The following BTBD3 variants were observed in gnomAD, a reference collection of about 807,000 sequenced individuals.
The protein encoded by BTBD3 is BTB/POZ domain-containing protein 3.
Under a neutral mutation model 41.6 loss-of-function variants are expected in BTBD3, and 14 were observed. The observed-to-expected ratio is 0.34, with a 90% confidence interval of 0.22 to 0.53. BTBD3 has a LOEUF of 0.53. Among genes scored for constraint, BTBD3 ranks in the 20% least tolerant of loss-of-function variants. BTBD3 has a pLI of 0.95. For synonymous variants in BTBD3, 249 were observed against 233.7 expected, an observed-to-expected ratio of 1.07 and a Z score of -0.60; for missense variants, 426 against 654.7, an observed-to-expected ratio of 0.65 and a Z score of 3.81.
At chr20:11,895,322 A>G (rs951794408) in intron 1 of BTBD3, among the ~76,000 whole-genome samples, 39 of 152,340 alleles carry the variant, frequency 2.6e-4, no homozygotes, top group African/African-American at 9.1e-4. Context: ...GTCCTTTCAG[A>G]TAAAGATTAT....
chr20:11,919,887 CCCT>C lies in BTBD3; in HGVS notation c.536+52_536+54del, dbSNP rs779711506. Reference sequence around the variant, plus strand: ...AGAGTTTGTTTATGCTGTATTTGTACCCTGCTGGTTTCACAGTTAAATTTAAGT... The same window carrying C: ...AGAGTTTGTTTATGCTGTATTTGTACGCTGGTTTCACAGTTAAATTTAAGT... On this transcript the variant is annotated intron_variant, in intron 3 of 3. Transcript: ENST00000378226. The C allele has an allele frequency of 2.7e-6, 4 of 1,472,140 alleles. No homozygotes were observed. The South Asian group carries it at 3.4e-5, about 13-fold the overall frequency. 91.2% of individuals were successfully genotyped at this position (1,472,140 alleles called of 1,614,324 possible).
In BTBD3 at chr20:11,923,466, T is replaced by C. The variant is rs763675622; in HGVS notation, c.1369T>C (p.Tyr457His). 1.9e-6 allele frequency: 3 copies of C among 1,614,188 alleles called. No individual in the cohort carries two copies. The highest frequency in any genetic ancestry group is 3.3e-5 in the Admixed American group (2 of 60,028). The change falls in exon 4 of 4, where the codon TAC becomes CAC. Residue 457 changes from tyrosine to histidine, a missense_variant. Tyr to His is a moderately conservative substitution (Grantham distance 83). This residue lies in a region of BTBD3 where 321 missense variants were observed against 534.8 expected (regional missense o/e 0.60). Transcript: ENST00000378226. This position sits in a 1 kb window ranked among gnomAD's most constrained non-coding sequence, Gnocchi z 5.3. Reference sequence around the variant, plus strand: ...CAATACCTTTCCCGTATGGTTTGAATACCCAGTGCAGATCGAGCCAGACAC... The same window carrying C: ...CAATACCTTTCCCGTATGGTTTGAACACCCAGTGCAGATCGAGCCAGACAC... ...SSNTFPVWFE[Y>H]PVQIEPDTFY...
intron 2 of BTBD3, chr20:11,919,481 G>C (rs2056947147): frequency 1.5e-6 from 2 of 1,351,746 alleles, no homozygotes; most frequent in Non-Finnish European, 1.9e-6. Context: ...AGCTATTATT[G>C]TATGTATTTA....
chr20:11,907,311 G>C (rs2056860924), intron 1 of BTBD3, among the ~76,000 whole-genome samples: 1 of 152,152 alleles, frequency 6.6e-6, no homozygotes, highest in Non-Finnish European at 1.5e-5. Context: ...GAGAGCCCCA[G>C]GACACATTTA....
upstream of BTBD3, among the ~76,000 whole-genome samples, chr20:11,917,435 GA>G (rs1395629571): frequency 6.6e-6 from 1 of 152,138 alleles, no homozygotes. Flanking sequence ...CTAAGAAAAA[GA>G]AAAATAACGT....
At chr20:11,897,521 C>A (rs910119077) in intron 1 of BTBD3, among the ~76,000 whole-genome samples, 2 of 147,848 alleles carry the variant, frequency 1.4e-5, no homozygotes, top group Admixed American at 6.7e-5. Flanking sequence ...AACATGGAAT[C>A]CTCCTGACTC....
In BTBD3 at chr20:11,911,329, A is replaced by T. The variant is rs577828600; in HGVS notation, c.-125-7005A>T. 2.0e-5 allele frequency among the ~76,000 whole-genome samples: 3 copies of T among 152,342 alleles called. No homozygotes were observed. In the East Asian group the frequency reaches 5.8e-4, roughly 29 times the overall value. ...ATTGGTCATAATCATATTAAAATGT[A>T]AAGAAAATTATATTAAGTAAATAAC... On this transcript the variant is annotated intron_variant, in intron 1 of 4. Transcript: ENST00000254977.
chr20:11,923,099 T>C lies in BTBD3; in HGVS notation c.1002T>C (p.Ala334=). The change falls in exon 4 of 4, where the codon GCT becomes GCC. Residue 334 remains alanine, a synonymous_variant. Coordinates refer to ENST00000378226, the MANE Select transcript of BTBD3 (RefSeq NM_014962.4). This position sits in a 1 kb window ranked among gnomAD's most constrained non-coding sequence, Gnocchi z 5.3. The stretch of plus-strand genomic sequence containing the variant: ...CCCTCGATGATTTTGCAAATGGTGC[T>C]GCACAGTCCGGGGTATTAACTCTCA... The part of the protein sequence containing the change: ...TMALDDFANG[A]AQSGVLTLNE... 6.2e-7 allele frequency: 1 copy of C among 1,614,068 alleles called. No individual in the cohort carries two copies. The highest frequency in any genetic ancestry group is 1.7e-5 in the Admixed American group (1 of 60,030).
intron 1 of BTBD3, chr20:11,910,339 A>G (rs903731438): frequency 2.0e-5 from 3 of 152,250 alleles, no homozygotes; most frequent in Non-Finnish European, 4.4e-5. Context: ...TAAAGCCAAC[A>G]AATGACCTGG....
At chr20:11,908,102 A>T (rs2056867130) in intron 1 of BTBD3, among the ~76,000 whole-genome samples, 1 of 152,158 alleles carries the variant, frequency 6.6e-6, no homozygotes, top group South Asian at 2.1e-4. Context: ...TCAAATACTG[A>T]CATCACCCAG....
intron 1 of BTBD3, among the ~76,000 whole-genome samples, chr20:11,898,827 A>T (rs1431725007): frequency 6.6e-6 from 1 of 152,216 alleles, no homozygotes; most frequent in African/African-American, 2.4e-5. Context: ...TGAGAATTAA[A>T]TAGGGTGCTC....
In BTBD3 at chr20:11,922,949, G is replaced by A; in HGVS notation, c.852G>A (p.Val284=). Residue 284 remains valine (V), a synonymous_variant, in exon 4 of 4, where the codon GTG becomes GTA. Coordinates refer to ENST00000378226, the MANE Select transcript of BTBD3 (RefSeq NM_014962.4). The part of the protein sequence containing the change: ...RRETLNAKEI[V]VFEAALNWAE... The stretch of plus-strand genomic sequence containing the variant: ...AAACTCTGAATGCCAAAGAAATTGT[G>A]GTTTTTGAGGCAGCTCTCAACTGGG... The A allele has an allele frequency of 6.2e-7, 1 of 1,614,222 alleles. No individual in the cohort carries two copies. The highest frequency in any genetic ancestry group is 8.5e-7 in the Non-Finnish European group (1 of 1,180,046).
chr20:11,895,768 G>T (rs569931540), intron 1 of BTBD3, among the ~76,000 whole-genome samples: 21 of 152,310 alleles, frequency 1.4e-4, no homozygotes, highest in Non-Finnish European at 2.8e-4. Flanking sequence ...TTCTCATGCA[G>T]CTTTTACTGA....
At chr20:11,911,872 G>C (rs1436920568) in intron 1 of BTBD3, among the ~76,000 whole-genome samples, 2 of 152,134 alleles carry the variant, frequency 1.3e-5, no homozygotes, top group Non-Finnish European at 2.9e-5. Context: ...GAGTAGTTTA[G>C]TATTCCAAAC....
intron 1 of BTBD3, among the ~76,000 whole-genome samples, chr20:11,900,343 A>G (rs1468636879): frequency 6.6e-6 from 1 of 152,244 alleles, no homozygotes; most frequent in East Asian, 1.9e-4. Flanking sequence ...CTTTCTGATG[A>G]TAAATCACAT....
intron 1 of BTBD3, chr20:11,891,002 G>T: frequency 1.0e-6 from 1 of 978,334 alleles, no homozygotes; most frequent in Non-Finnish European, 1.2e-6. Context: ...CCGCGCGTGC[G>T]CAGCGCGGGA....
chr20:11,915,332 C>T (rs2056911445), upstream of BTBD3, among the ~76,000 whole-genome samples: 2 of 152,138 alleles, frequency 1.3e-5, no homozygotes, highest in African/African-American at 4.8e-5. Flanking sequence ...AATTTCAGAA[C>T]AAGATGTGAG....
In BTBD3 at chr20:11,923,297, A is replaced by C; in HGVS notation, c.1200A>C (p.Ala400=). 1 of 1,614,208 alleles carries C rather than the reference A, an allele frequency of 6.2e-7. No homozygotes were observed. Among genetic ancestry groups the C allele is most frequent in the Admixed American group, 1.7e-5 (1 of 60,020 alleles). Residue 400 remains alanine, a synonymous_variant, in exon 4 of 4, where the codon GCA becomes GCC. Coordinates refer to ENST00000378226, the MANE Select transcript of BTBD3 (RefSeq NM_014962.4). The surrounding 1 kb of genome is among the most constrained non-coding windows in gnomAD (Gnocchi z 5.3). ...YRGRCDSIQF[A]VDKRVFIAGF... is the part of the protein sequence containing the mutation. ...GTCGCTGTGACAGCATCCAGTTTGCAGTTGATAAAAGAGTGTTCATTGCTG... is the reference window on the plus strand; with the variant it reads ...GTCGCTGTGACAGCATCCAGTTTGCCGTTGATAAAAGAGTGTTCATTGCTG...
At chr20:11,893,981 G>A (rs897434668) in intron 1 of BTBD3, among the ~76,000 whole-genome samples, 1 of 151,952 alleles carries the variant, frequency 6.6e-6, no homozygotes, top group African/African-American at 2.4e-5. Context: ...CAAGTTTATT[G>A]AACTAGTTTT....
Sources: gnomAD v4.1 joint callset for allele counts (sites outside exome capture counted in the v4.1 genomes callset) on GRCh38, gnomAD v4.1.1 for gene constraint, gnomAD v4.1.1 regional missense constraint, Gnocchi (gnomAD v3.1) non-coding constraint, MANE v1.5 for transcripts, NCBI Gene and HGNC (gene_info 2026-07-23, HGNC 2026-07-21) for gene names.